Variants in FBXO42 observed in about 807,000 individuals in gnomAD.
FBXO42 encodes F-box protein 42.
FBXO42 carries 12 observed loss-of-function variants against 71.7 expected under a neutral mutation model. The observed-to-expected ratio is 0.17, with a 90% CI of 0.11 to 0.27. The LOEUF (loss-of-function observed/expected upper bound fraction) is 0.27, where lower values mean the gene tolerates loss of function less well. Among genes scored for constraint, FBXO42 ranks in the 10% least tolerant of loss-of-function variants. The probability of loss-of-function intolerance (pLI) is 1.00; values close to 1 mark genes in which losing one functional copy is unlikely to be tolerated. For synonymous variants in FBXO42, 325 were observed against 327.5 expected (o/e 0.99, Z 0.08); for missense variants, 707 against 911.9 (o/e 0.78, Z 2.89).
At position 16,253,152 on chromosome 1, in the gene FBXO42, T is replaced by G. The variant is rs775392941; in HGVS notation, c.865A>C (p.Ile289Leu). The G allele has an allele frequency of 6.2e-7, 1 of 1,612,812 alleles. No individual in the cohort carries two copies. The highest frequency in any genetic ancestry group is 1.3e-5 in the African/African-American group (1 of 74,860). Residue 289 changes from isoleucine (I) to leucine (L), a missense_variant and splice_region_variant, in exon 8 of 10, where the codon ATT becomes CTT. Coordinates refer to ENST00000375592, the MANE Select transcript of FBXO42 (RefSeq NM_018994.3). The stretch of plus-strand genomic sequence containing the variant: ...AAGATAGTTGCATCATCTATGACAA[T>G]CTGAGGAGGGGAAGACATTGAAAAT... The part of the protein sequence containing the change: ...SPHPRGGQSQ[I>L]VIDDATILIL...
chr1:16,340,880 A>G (rs897328719), intron 1 of FBXO42, among the ~76,000 whole-genome samples: 15 of 152,316 alleles, frequency 9.8e-5, no homozygotes, highest in African/African-American at 3.6e-4. Flanking sequence ...CATACAGCCA[A>G]TGAGTAGCAA....
At position 16,300,890 on chromosome 1, in the gene FBXO42, G is replaced by A. The variant is rs1489426229; in HGVS notation, c.367+4913C>T. Among the ~76,000 whole-genome samples the A allele has an allele frequency of 2.8e-5, 4 of 145,186 alleles. No homozygotes were observed. The East Asian group carries it at 8.0e-4, about 29-fold the overall frequency. On this transcript the variant is annotated intron_variant, in intron 3 of 9. Coordinates refer to ENST00000375592, the MANE Select transcript of FBXO42 (RefSeq NM_018994.3). Reference sequence around the variant, plus strand: ...ACACATTCACCAAAAAGCTAGAATTGGCCTTTTTTTTTTTTTTTTTTTTTT... The same window carrying A: ...ACACATTCACCAAAAAGCTAGAATTAGCCTTTTTTTTTTTTTTTTTTTTTT...
rs183066734 is a variant in FBXO42, at chr1:16,332,319, G to A, written c.-17-16884C>T. Among the ~76,000 whole-genome samples, 254 of 152,102 alleles carry A rather than the reference G, an allele frequency of 1.7e-3. 1 individual carries two copies. Among genetic ancestry groups the A allele is most frequent in the African/African-American group, 5.9e-3 (246 of 41,474 alleles). ...TTTAAAATTGTTCCAACAATGGGAG[G>A]CACATTGTTATTATTACCATTGCTA... On this transcript the variant is annotated intron_variant, in intron 1 of 9. Coordinates refer to ENST00000375592, the MANE Select transcript of FBXO42 (RefSeq NM_018994.3).
At chr1:16,309,169 G>A (rs1388658293) in intron 2 of FBXO42, among the ~76,000 whole-genome samples, 1 of 138,548 alleles carries the variant, frequency 7.2e-6, no homozygotes, top group African/African-American at 2.7e-5. Flanking sequence ...CCAGATTCAA[G>A]CGATTCTCCT....
chr1:16,285,009 G>A (rs903838812), intron 4 of FBXO42, among the ~76,000 whole-genome samples: 1 of 147,626 alleles, frequency 6.8e-6, no homozygotes, highest in South Asian at 2.1e-4. Context: ...AGCCGGGCGT[G>A]GTGGCACGTG....
intron 2 of FBXO42, 151 bp downstream of exon 2, chr1:16,315,018 C>A (rs67963098): frequency 1.4e-5 from 10 of 736,042 alleles, no homozygotes; most frequent in Non-Finnish European, 1.9e-5. Context: ...TTAAACTAAC[C>A]AGGGTAAGAA....
intron 4 of FBXO42, among the ~76,000 whole-genome samples, chr1:16,288,088 G>A (rs559509366): frequency 1.4e-4 from 22 of 152,012 alleles, no homozygotes; most frequent in Non-Finnish European, 2.6e-4. Context: ...GGAGTGAGCC[G>A]AGATCATGCC....
intron 2 of FBXO42, among the ~76,000 whole-genome samples, chr1:16,306,306 C>T (rs1310294151): frequency 3.3e-5 from 5 of 152,114 alleles, no homozygotes; most frequent in East Asian, 3.9e-4. Flanking sequence ...CATGAGCCAC[C>T]GCGCCCAGCC....
intron 4 of FBXO42, among the ~76,000 whole-genome samples, chr1:16,266,319 C>G (rs542870370): frequency 6.6e-6 from 1 of 152,078 alleles, no homozygotes; most frequent in African/African-American, 2.4e-5. Context: ...AAGAGCCATG[C>G]TAAAATAAGT....
rs55983316 is a variant in FBXO42 at position 16,335,063 on chromosome 1, C to CAAAAAAAAAAA, written c.-18+17181_-18+17191dup. The stretch of plus-strand genomic sequence containing the variant: ...GCAACACAGCAAAACCTCGTCTGTA[C>CAAAAAAAAAAA]AAAAAAAAAAAAAAAAAAAAAAAAA... On this transcript the variant is annotated intron_variant, in intron 1 of 9. Transcript: ENST00000375592. 1.3e-4 allele frequency among the ~76,000 whole-genome samples: 9 copies of CAAAAAAAAAAA among 69,022 alleles called. 1 individual carries two copies. Among genetic ancestry groups the CAAAAAAAAAAA allele is most frequent in the South Asian group, 6.5e-4 (1 of 1,542 alleles). 45.3% of individuals were successfully genotyped at this position (69,022 alleles called of 152,430 possible).
chr1:16,271,163 G>A (rs923165052), intron 4 of FBXO42, among the ~76,000 whole-genome samples: 1 of 152,022 alleles, frequency 6.6e-6, no homozygotes, highest in Admixed American at 6.6e-5. Context: ...GAATGCAGCA[G>A]GCAATGAGGT....
At chr1:16,269,158 G>A (rs1340880147) in intron 4 of FBXO42, among the ~76,000 whole-genome samples, 1 of 149,206 alleles carries the variant, frequency 6.7e-6, no homozygotes, top group Non-Finnish European at 1.5e-5. Context: ...AGACTGGAGT[G>A]CAGTGGTGCA....
At position 16,250,556 on chromosome 1, in the gene FBXO42, A is replaced by T; in HGVS notation, c.*114T>A. On this transcript the variant is annotated 3_prime_UTR_variant, in exon 10 of 10. Coordinates refer to ENST00000375592, the MANE Select transcript of FBXO42 (RefSeq NM_018994.3). This position sits in a 1 kb window ranked among gnomAD's most constrained non-coding sequence, Gnocchi z 4.7. ...CCTGGAGTGACTTCGGTTGGGAATT[A>T]AAGAGTTTTGGCTTCTGGGAGTAAT... The T allele has an allele frequency of 1.6e-6, 2 of 1,237,094 alleles. No individual in the cohort carries two copies. The highest frequency in any genetic ancestry group is 2.2e-6 in the Non-Finnish European group (2 of 901,380). 76.6% of individuals were successfully genotyped at this position (1,237,094 alleles called of 1,614,324 possible).
chr1:16,263,429 C>T (rs928196829), intron 4 of FBXO42, among the ~76,000 whole-genome samples: 2 of 151,180 alleles, frequency 1.3e-5, no homozygotes, highest in Admixed American at 6.6e-5. Flanking sequence ...GGTGGCAGAG[C>T]GAGACTCCAT....
intron 2 of FBXO42, among the ~76,000 whole-genome samples, chr1:16,310,193 CAAA>C (rs558283325): frequency 5.5e-5 from 5 of 91,072 alleles, no homozygotes; most frequent in Non-Finnish European, 4.5e-5. Flanking sequence ...GACTCCATCT[CAAA>C]AAAAAAAAAA....
intron 2 of FBXO42, among the ~76,000 whole-genome samples, chr1:16,308,531 ACT>A (rs1358075949): frequency 8.1e-6 from 1 of 124,136 alleles, no homozygotes; most frequent in Non-Finnish European, 1.6e-5. Context: ...ACTGAGTCTC[ACT>A]CTGTCACCTA....
At chr1:16,302,338 T>G (rs909402250) in intron 3 of FBXO42, among the ~76,000 whole-genome samples, 1 of 152,286 alleles carries the variant, frequency 6.6e-6, no homozygotes, top group Middle Eastern at 3.4e-3. Context: ...ATTTTCACAC[T>G]GCTATAAAGA....
At chr1:16,333,231 C>T (rs79220938) in intron 1 of FBXO42, among the ~76,000 whole-genome samples, 3,585 of 152,184 alleles carry the variant, frequency 0.024, 140 homozygotes, top group African/African-American at 0.081. Context: ...AAGACGTAAG[C>T]CAACATTAGA....
chr1:16,296,478 C>T (rs1396992319), intron 3 of FBXO42, among the ~76,000 whole-genome samples: 6 of 151,740 alleles, frequency 4.0e-5, no homozygotes, highest in African/African-American at 9.7e-5. Context: ...GGCAAAACCC[C>T]GTCTCTACTA....
Sources: allele counts gnomAD v4.1 joint callset (sites outside exome capture counted in the v4.1 genomes callset), GRCh38; gene constraint gnomAD v4.1.1; non-coding constraint Gnocchi (gnomAD v3.1); transcripts MANE v1.5; gene names NCBI Gene and HGNC (gene_info 2026-07-23, HGNC 2026-07-21).